The following AKAP6 variants were observed in gnomAD, a reference collection of about 807,000 sequenced individuals.
AKAP6 encodes A-kinase anchor protein 6.
AKAP6 carries 58 observed loss-of-function variants against 188.5 expected under a neutral mutation model. The ratio of observed to expected loss-of-function variants is 0.31; its 90% CI spans 0.25 to 0.38. The LOEUF (loss-of-function observed/expected upper bound fraction) is 0.38, where lower values mean the gene tolerates loss of function less well. Ranked by LOEUF, AKAP6 falls within the 10% of genes least tolerant of loss-of-function variation. The pLI is 1.00. For synonymous variants in AKAP6, 989 were observed against 998.6 expected, an observed-to-expected ratio of 0.99 and a Z score of 0.18; for missense variants, 2,710 against 2,740.0, an observed-to-expected ratio of 0.99 and a Z score of 0.24.
intron 10 of AKAP6, chr14:32,734,677 A>G (rs2031332856): frequency 6.6e-6 from 1 of 152,124 alleles, no homozygotes; most frequent in African/African-American, 2.4e-5. Flanking sequence ...AACAATAGCT[A>G]AATCTGGATT....
intron 11 of AKAP6, among the ~76,000 whole-genome samples, chr14:32,771,715 TG>T (rs2032903915): frequency 6.6e-6 from 1 of 152,218 alleles, no homozygotes; most frequent in Non-Finnish European, 1.5e-5. Context: ...CTAAGAACTT[TG>T]GGACTTTTTG....
At chr14:32,381,181 A>G (rs1246006901) in intron 1 of AKAP6, among the ~76,000 whole-genome samples, 1 of 152,130 alleles carries the variant, frequency 6.6e-6, no homozygotes, top group Non-Finnish European at 1.5e-5. Context: ...TACTAAAAGT[A>G]CAAAAAAATT....
At chr14:32,679,891 T>A (rs568930489) in intron 8 of AKAP6, among the ~76,000 whole-genome samples, 1 of 152,370 alleles carries the variant, frequency 6.6e-6, no homozygotes, top group African/African-American at 2.4e-5. Context: ...AGGTTAAATC[T>A]TGAAGCATGA....
At chr14:32,745,172 G>A (rs143192264) in intron 11 of AKAP6, among the ~76,000 whole-genome samples, 80 of 152,086 alleles carry the variant, frequency 5.3e-4, no homozygotes, top group African/African-American at 1.7e-3. Context: ...GATGTTCTTC[G>A]GTATCTGGGC....
At chr14:32,554,433 C>T (rs2139185129) in intron 4 of AKAP6, among the ~76,000 whole-genome samples, 1 of 152,270 alleles carries the variant, frequency 6.6e-6, no homozygotes, top group African/African-American at 2.4e-5. Flanking sequence ...TGTTATTGGT[C>T]TCATTTTACA....
At chr14:32,791,786 T>C (rs2033617711) in intron 12 of AKAP6, among the ~76,000 whole-genome samples, 1 of 152,202 alleles carries the variant, frequency 6.6e-6, no homozygotes, top group Admixed American at 6.5e-5. Flanking sequence ...CCTTCTTGAG[T>C]TAATTTTTGT....
intron 7 of AKAP6, among the ~76,000 whole-genome samples, chr14:32,607,167 T>G (rs1886158331): frequency 6.6e-6 from 1 of 152,218 alleles, no homozygotes; most frequent in African/African-American, 2.4e-5. Flanking sequence ...TTTCTTAGAA[T>G]AGAACTTGAT....
chr14:32,359,423 G>A (rs1394871669), intron 1 of AKAP6, among the ~76,000 whole-genome samples: 2 of 151,962 alleles, frequency 1.3e-5, no homozygotes, highest in Non-Finnish European at 2.9e-5. Context: ...ATTTATGAAA[G>A]AATTATAAAA....
intron 12 of AKAP6, among the ~76,000 whole-genome samples, chr14:32,800,631 T>A (rs992724922): frequency 6.6e-6 from 1 of 152,160 alleles, no homozygotes; most frequent in Non-Finnish European, 1.5e-5. Context: ...GAAATTAATA[T>A]AAACACTCTA....
intron 2 of AKAP6, chr14:32,474,199 A>G (rs1314375726): frequency 2.0e-5 from 3 of 152,130 alleles, no homozygotes; most frequent in Non-Finnish European, 4.4e-5. Context: ...TGCCCAGCCC[A>G]CTGTCTTTTT....
intron 1 of AKAP6, among the ~76,000 whole-genome samples, chr14:32,381,143 C>G (rs879726815): frequency 9.9e-5 from 15 of 151,998 alleles, no homozygotes; most frequent in Non-Finnish European, 1.9e-4. Flanking sequence ...TCGAGACCAG[C>G]CTGGGCAACA....
chr14:32,810,556 G>C (rs1424012418), intron 12 of AKAP6, among the ~76,000 whole-genome samples: 1 of 152,102 alleles, frequency 6.6e-6, no homozygotes, highest in Non-Finnish European at 1.5e-5. Context: ...CTCTAGCATA[G>C]GAATCAGAGT....
intron 12 of AKAP6, among the ~76,000 whole-genome samples, chr14:32,806,429 C>A (rs1054802576): frequency 6.6e-6 from 1 of 152,126 alleles, no homozygotes; most frequent in Non-Finnish European, 1.5e-5. Context: ...CTAATTCCAA[C>A]ACTTTGGGAG....
Position 32,577,195 on chromosome 14 carries a change from C to G in AKAP6, c.2422C>G (p.Pro808Ala). The change falls in exon 5 of 14, where the codon CCT becomes GCT. Residue 808 changes from proline to alanine, a missense_variant. Physicochemically the swap from Pro to Ala is conservative, Grantham distance 27 (BLOSUM62 -1). This residue lies in a region of AKAP6 where 2,473 missense variants were observed against 2,426.1 expected (regional missense o/e 1.02). Coordinates refer to ENST00000280979, the MANE Select transcript of AKAP6 (RefSeq NM_004274.5). ...AMETTENWTP[P>A]KAEMDDLKLY... is the part of the protein sequence containing the mutation. ...GGAAACTACAGAAAATTGGACTCCC[C>G]CTAAAGCAGAGATGGATGACCTTAA... 1 of 1,612,558 alleles carries G rather than the reference C, an allele frequency of 6.2e-7. No individual in the cohort carries two copies. Among genetic ancestry groups the G allele is most frequent in the East Asian group, 2.2e-5 (1 of 44,790 alleles).
intron 1 of AKAP6, among the ~76,000 whole-genome samples, chr14:32,414,628 CT>C (rs1889598065): frequency 6.6e-6 from 1 of 152,096 alleles, no homozygotes; most frequent in Admixed American, 6.6e-5. Flanking sequence ...AAACAGCTGA[CT>C]TGAAGTAGCT....
At chr14:32,672,271 G>A (rs1354197058) in intron 7 of AKAP6, among the ~76,000 whole-genome samples, 3 of 152,196 alleles carry the variant, frequency 2.0e-5, no homozygotes, top group Admixed American at 1.3e-4. Context: ...TGCTGTTATT[G>A]ATAAATAGCA....
Position 32,823,612 on chromosome 14 carries a change from T to C in AKAP6, c.5799T>C (p.Cys1933=). 6.2e-7 allele frequency: 1 copy of C among 1,613,914 alleles called. No homozygotes were observed. The highest frequency in any genetic ancestry group is 1.3e-5 in the African/African-American group (1 of 75,028). Residue 1933 remains cysteine (C), a synonymous_variant, in exon 13 of 14, where the codon TGT becomes TGC. Coordinates refer to ENST00000280979, the MANE Select transcript of AKAP6 (RefSeq NM_004274.5). ...HGKEISESEH[C]KCKALMDSLD... ...AAGAGATTTCAGAGAGTGAGCATTGTAAGTGTAAAGCACTTATGGATAGTT... is the reference window on the plus strand; with the variant it reads ...AAGAGATTTCAGAGAGTGAGCATTGCAAGTGTAAAGCACTTATGGATAGTT...
Position 32,836,435 on chromosome 14 carries a change from T to G in AKAP6, c.*6630T>G, listed in dbSNP as rs1350060747. The G allele has an allele frequency of 6.6e-6, 1 of 152,148 alleles. No individual in the cohort carries two copies. The highest frequency in any genetic ancestry group is 2.4e-5 in the African/African-American group (1 of 41,436). The allele number at this position is 152,148 out of a possible 1,614,324, so 9.4% of individuals were successfully genotyped here. On this transcript the variant is annotated 3_prime_UTR_variant, in exon 14 of 14. Coordinates refer to ENST00000280979, the MANE Select transcript of AKAP6 (RefSeq NM_004274.5). ...ATCACCTCCCAAAGGCTCCATCTCT[T>G]AATACGATCACATTGGGGATTAGGT...
At chr14:32,573,165 C>T (rs564153115) in intron 4 of AKAP6, among the ~76,000 whole-genome samples, 1 of 152,124 alleles carries the variant, frequency 6.6e-6, no homozygotes, top group Non-Finnish European at 1.5e-5. Context: ...TAGAAAATAA[C>T]AGGAAAGACA....
Sources: gnomAD v4.1 joint callset for allele counts (sites outside exome capture counted in the v4.1 genomes callset) on GRCh38, gnomAD v4.1.1 for gene constraint, gnomAD v4.1.1 regional missense constraint, MANE v1.5 for transcripts, NCBI Gene and HGNC (gene_info 2026-07-23, HGNC 2026-07-21) for gene names.